HK1: variants seen among roughly 807,000 people sequenced by gnomAD.
HK1 encodes hexokinase 1.
In HK1, 28 loss-of-function variants were observed where a neutral mutation model predicts 91.6. The ratio of observed to expected loss-of-function variants is 0.31; its 90% CI spans 0.23 to 0.42. HK1 has a LOEUF of 0.42. HK1 is among the 10% of genes least tolerant of loss of function. HK1 has a pLI of 1.00. For synonymous variants in HK1, 430 were observed against 468.1 expected (o/e 0.92, Z 1.05); for missense variants, 770 against 1,219.8 (o/e 0.63, Z 5.49).
rs753612326 is a variant in HK1 at position 69,392,086 on chromosome 10, C to G, written c.2036-39C>G. 4.2e-5 allele frequency: 68 copies of G among 1,612,166 alleles called. No individual in the cohort carries two copies. In the Middle Eastern group the frequency reaches 6.4e-3, roughly 152 times the overall value. On this transcript the variant is annotated intron_variant, in intron 14 of 17. Coordinates refer to ENST00000359426, the MANE Select transcript of HK1 (RefSeq NM_000188.3). The stretch of plus-strand genomic sequence containing the variant: ...GGCCCAGTTGCAAGACCCCCAAATG[C>G]AAGGCCACCGCTCCTCATTGCCCCC...
At chr10:69,359,873 G>A in intron 2 of HK1, 24 bp from the exon 3 acceptor site, 1 of 1,612,838 alleles carries the variant, frequency 6.2e-7, no homozygotes, top group Non-Finnish European at 8.5e-7. Context: ...AATCTCATGT[G>A]ATACCTGTTG....
chr10:69,355,413 G>T (rs1242237996), intron 2 of HK1, among the ~76,000 whole-genome samples: 1 of 152,192 alleles, frequency 6.6e-6, no homozygotes, highest in African/African-American at 2.4e-5. Flanking sequence ...AAAATTTTCA[G>T]CAAAGCAACA....
intron 1 of HK1, among the ~76,000 whole-genome samples, chr10:69,343,026 G>A (rs1473834062): frequency 6.6e-6 from 1 of 152,206 alleles, no homozygotes; most frequent in African/African-American, 2.4e-5. Flanking sequence ...TGAAGGGTGG[G>A]AGTAGTTTGA....
intron 1 of HK1, among the ~76,000 whole-genome samples, chr10:69,336,658 GAGATGGATTCTCGCCTTGTT>G (rs1169016893): frequency 4.4e-5 from 1 of 22,488 alleles, no homozygotes; most frequent in Non-Finnish European, 7.9e-5. Context: ...TTTTTTTTTT[GAGATGGATTCTCGCCTTGTT>G]GCCCAGGCTG....
intron 1 of HK1, among the ~76,000 whole-genome samples, chr10:69,272,474 C>T (rs1467488331): frequency 2.6e-5 from 4 of 152,122 alleles, no homozygotes; most frequent in Admixed American, 6.6e-5. Context: ...AGTAAATTCA[C>T]GCAACTTTTG....
chr10:69,365,724 ATGTGC>A lies in HK1; in HGVS notation c.495+823_495+827del, dbSNP rs1240733292. 3.9e-5 allele frequency among the ~76,000 whole-genome samples: 6 copies of A among 152,316 alleles called. 1 individual carries two copies. The highest frequency in any genetic ancestry group is 1.4e-4 in the African/African-American group (6 of 41,580). Reference sequence around the variant, plus strand: ...CAAAAAGTTAGCTGTGTGCGTTAACATGTGCCTGTAGTCCCAGTGATGTGGGAGAA... The same window carrying A: ...CAAAAAGTTAGCTGTGTGCGTTAACACTGTAGTCCCAGTGATGTGGGAGAA... On this transcript the variant is annotated intron_variant, in intron 4 of 17. Transcript: ENST00000359426.
At chr10:69,309,433 G>A (rs547964554) in intron 5 of HK1, among the ~76,000 whole-genome samples, 1 of 137,920 alleles carries the variant, frequency 7.3e-6, no homozygotes, top group African/African-American at 2.8e-5. Flanking sequence ...CGCCTGCCTC[G>A]GCCTCCTAAA....
rs1839359379 is a variant in HK1 at position 69,380,999 on chromosome 10, C to T, written c.1265+904C>T. On this transcript the variant is annotated intron_variant, in intron 9 of 17. Coordinates refer to ENST00000359426, the MANE Select transcript of HK1 (RefSeq NM_000188.3). This position sits in a 1 kb window ranked among gnomAD's most constrained non-coding sequence, Gnocchi z 4.0. ...GTTCTGTTGATGGCTCAAAGAATGT[C>T]GACTTCAATTGAAATAGTTCTGGCC... 6.6e-6 allele frequency among the ~76,000 whole-genome samples: 1 copy of T among 152,152 alleles called. No individual in the cohort carries two copies. Among genetic ancestry groups the T allele is most frequent in the African/African-American group, 2.4e-5 (1 of 41,408 alleles).
At chr10:69,319,298 G>C in intron 1 of HK1, 1 of 545,638 alleles carries the variant, frequency 1.8e-6, no homozygotes, top group Admixed American at 3.2e-5. Context: ...AGGCCCCCGG[G>C]CTGTGCGGGG....
At chr10:69,368,455 C>T in intron 4 of HK1, 81 bp from the exon 5 acceptor site, 1 of 1,243,182 alleles carries the variant, frequency 8.0e-7, no homozygotes, top group Non-Finnish European at 1.2e-6. Context: ...TGCTTCATCC[C>T]TGTCCTGGAG....
chr10:69,348,743 A>G (rs1407300486), intron 2 of HK1, among the ~76,000 whole-genome samples: 1 of 152,106 alleles, frequency 6.6e-6, no homozygotes, highest in East Asian at 1.9e-4. Context: ...CCTGGGAGGC[A>G]GAGTTGCAGT....
chr10:69,378,382 C>G (rs1839222578), intron 8 of HK1, among the ~76,000 whole-genome samples: 1 of 151,710 alleles, frequency 6.6e-6, no homozygotes, highest in Non-Finnish European at 1.5e-5. Context: ...AGGAGCGAGA[C>G]AGTATCACCA....
At chr10:69,348,214 T>A (rs892470107) in intron 2 of HK1, among the ~76,000 whole-genome samples, 1 of 151,982 alleles carries the variant, frequency 6.6e-6, no homozygotes, top group East Asian at 1.9e-4. Flanking sequence ...AAAAAAAAAA[T>A]TTTCTAGAAG....
rs1844324425 is a variant in HK1 at position 69,274,201 on chromosome 10, T to C, written c.-391+4093T>C. Among the ~76,000 whole-genome samples the C allele has an allele frequency of 2.0e-5, 3 of 152,226 alleles. No homozygotes were observed. The South Asian group carries it at 6.2e-4, about 31-fold the overall frequency. ...GCTCATACCTGTCATCCTAGCACTTTGGTAGGCTGAGGCAGGATGACCACT... is the reference window on the plus strand; with the variant it reads ...GCTCATACCTGTCATCCTAGCACTTCGGTAGGCTGAGGCAGGATGACCACT... On this transcript the variant is annotated intron_variant, in intron 1 of 21. Coordinates refer to the HK1 transcript ENST00000360289.
rs558443044 is a variant in HK1, at chr10:69,275,216, C to A, written c.-391+5108C>A. On this transcript the variant is annotated intron_variant, in intron 1 of 21. Coordinates refer to the HK1 transcript ENST00000360289. ...TTCATGAGTTATTAAAAAAAAAAAA[C>A]CAAAAAACAAAAAACCTTTTAAGGC... Among the ~76,000 whole-genome samples, 265 of 79,818 alleles carry A rather than the reference C, an allele frequency of 3.3e-3. 6 individuals are homozygous for A. The highest frequency in any genetic ancestry group is 0.023 in the Middle Eastern group (2 of 86). 52.4% of individuals were successfully genotyped at this position (79,818 alleles called of 152,430 possible). A position where few individuals can be genotyped will look rare whatever the true frequency, so the allele number is the denominator to read the frequency against.
intron 1 of HK1, among the ~76,000 whole-genome samples, chr10:69,329,542 G>C (rs1415342821): frequency 1.3e-5 from 2 of 152,132 alleles, no homozygotes; most frequent in Non-Finnish European, 2.9e-5. Flanking sequence ...ATTTAAGGAG[G>C]AAGGCATCAA....
chr10:69,390,048 C>A (rs1012950376), intron 14 of HK1, among the ~76,000 whole-genome samples: 1 of 152,222 alleles, frequency 6.6e-6, no homozygotes, highest in Non-Finnish European at 1.5e-5. Context: ...CAGTGGCACC[C>A]CTGCTACTGG....
intron 7 of HK1, among the ~76,000 whole-genome samples, chr10:69,371,252 G>A (rs1395102453): frequency 6.6e-6 from 1 of 152,084 alleles, no homozygotes; most frequent in Admixed American, 6.5e-5. Context: ...CTGAGACTGT[G>A]GTACCAGCTT....
chr10:69,317,966 G>A (rs1846735442), upstream of HK1: 1 of 832,026 alleles, frequency 1.2e-6, no homozygotes, highest in Non-Finnish European at 1.4e-6. Context: ...AGAAAACACG[G>A]CACCTGGGAA....
Sources: allele counts gnomAD v4.1 joint callset (sites outside exome capture counted in the v4.1 genomes callset), GRCh38; gene constraint gnomAD v4.1.1; non-coding constraint Gnocchi (gnomAD v3.1); transcripts MANE v1.5; gene names NCBI Gene and HGNC (gene_info 2026-07-23, HGNC 2026-07-21).